The following AKAP12 variants were observed in gnomAD, a reference collection of about 807,000 sequenced individuals.
AKAP12 encodes the protein A-kinase anchoring protein 12.
In AKAP12, 32 loss-of-function variants were observed where a neutral mutation model predicts 79.9. The ratio of observed to expected loss-of-function variants is 0.40; its 90% CI spans 0.30 to 0.54. The LOEUF is 0.54. AKAP12 is among the 20% of genes least tolerant of loss of function. The pLI, the probability that AKAP12 is intolerant of heterozygous loss-of-function variation, is 0.48. For missense variants in AKAP12, 2,074 were observed against 2,177.0 expected, an observed-to-expected ratio of 0.95 and a Z score of 0.94; for synonymous variants, 808 against 857.0, an observed-to-expected ratio of 0.94 and a Z score of 1.00.
intron 2 of AKAP12, among the ~76,000 whole-genome samples, chr6:151,269,949 T>A (rs1202563661): frequency 1.3e-5 from 2 of 152,230 alleles, no homozygotes; most frequent in Non-Finnish European, 2.9e-5. Context: ...ATTTTGGACA[T>A]TTTGTATCAA....
intron 2 of AKAP12, among the ~76,000 whole-genome samples, chr6:151,296,681 A>C (rs1183625822): frequency 2.6e-5 from 4 of 152,042 alleles, no homozygotes; most frequent in Non-Finnish European, 1.5e-5. Flanking sequence ...GGAGGCTGAA[A>C]CGGGAGAATC....
chr6:151,342,967 TGGC>T (rs1777991584), intron 3 of AKAP12, among the ~76,000 whole-genome samples: 1 of 152,156 alleles, frequency 6.6e-6, no homozygotes, highest in Non-Finnish European at 1.5e-5. Flanking sequence ...TTCACCACTT[TGGC>T]CAGCGTGGTC....
intron 3 of AKAP12, among the ~76,000 whole-genome samples, chr6:151,347,416 C>T (rs1778129502): frequency 6.6e-6 from 1 of 152,316 alleles, no homozygotes; most frequent in Admixed American, 6.5e-5. Flanking sequence ...GAAGTTACAT[C>T]TAAAACTTGA....
At chr6:151,253,968 C>G (rs556656134) in intron 2 of AKAP12, among the ~76,000 whole-genome samples, 2 of 152,270 alleles carry the variant, frequency 1.3e-5, no homozygotes, top group African/African-American at 2.4e-5. Flanking sequence ...CTGGGCCTCC[C>G]AAAGTGCTGG....
At position 151,351,170 on chromosome 6, in the gene AKAP12, G is replaced by T; in HGVS notation, c.2779G>T (p.Ala927Ser). 1 of 1,614,202 alleles carries T rather than the reference G, an allele frequency of 6.2e-7. No individual in the cohort carries two copies. Among genetic ancestry groups the T allele is most frequent in the Non-Finnish European group, 8.5e-7 (1 of 1,180,048 alleles). The change falls in exon 4 of 5, where the codon GCT becomes TCT. Residue 927 changes from alanine (A) to serine (S), a missense_variant. By Grantham distance (99) the Ala-to-Ser change is moderately conservative. Coordinates refer to ENST00000402676, the MANE Select transcript of AKAP12 (RefSeq NM_005100.4). This position sits in a 1 kb window ranked among gnomAD's most constrained non-coding sequence, Gnocchi z 4.4. ...GACAGAACCTCTTGAACAAGTAGAA[G>T]CTGAAGCCGCACTGTTAACTGAGGA... ...SVTEPLEQVE[A>S]EAALLTEEVL...
At chr6:151,270,255 T>A (rs553632701) in intron 2 of AKAP12, among the ~76,000 whole-genome samples, 2 of 152,254 alleles carry the variant, frequency 1.3e-5, no homozygotes, top group East Asian at 3.9e-4. Flanking sequence ...ATGGAATTTC[T>A]CCATGTTGGT....
chr6:151,318,153 G>GTCCT (rs898534402), intron 3 of AKAP12, among the ~76,000 whole-genome samples: 1 of 152,158 alleles, frequency 6.6e-6, no homozygotes, highest in African/African-American at 2.4e-5. Flanking sequence ...TGGGATTAGT[G>GTCCT]TCCTTCCCTT....
intron 2 of AKAP12, among the ~76,000 whole-genome samples, chr6:151,243,678 T>TTA (rs1417541939): frequency 1.3e-5 from 2 of 152,140 alleles, no homozygotes; most frequent in African/African-American, 2.4e-5. Context: ...TTTACAGTCT[T>TTA]TATATGTAAG....
At chr6:151,242,564 T>C (rs920334722) in intron 2 of AKAP12, among the ~76,000 whole-genome samples, 1 of 152,252 alleles carries the variant, frequency 6.6e-6, no homozygotes, top group Non-Finnish European at 1.5e-5. Context: ...AATTTATCAC[T>C]CAGGCTTTGA....
chr6:151,352,972 T>C lies in AKAP12; in HGVS notation c.4581T>C (p.Ser1527=), dbSNP rs1778338329. The C allele has an allele frequency of 2.0e-6, 3 of 1,527,756 alleles. No homozygotes were observed. The highest frequency in any genetic ancestry group is 2.6e-6 in the Non-Finnish European group (3 of 1,141,108). The allele number at this position is 1,527,756 out of a possible 1,614,324, so 94.6% of individuals were successfully genotyped here. ...TTGCTTGCCAGGAGGTCAAAGTGAG[T>C]GTAGCAATTGAGGATTTAGAGCCTG... ...EQVACQEVKV[S]VAIEDLEPEN... The change falls in exon 4 of 5, where the codon AGT becomes AGC. Residue 1527 remains serine (S), a synonymous_variant. Transcript: ENST00000402676.
chr6:151,332,033 G>GTTTTTT (rs71014573), intron 3 of AKAP12, among the ~76,000 whole-genome samples: 4 of 79,686 alleles, frequency 5.0e-5, no homozygotes, highest in Non-Finnish European at 7.2e-5. Context: ...TTCTGGGTCT[G>GTTTTTT]TTTTTTTTTT....
Position 151,349,809 on chromosome 6 carries a change from G to T in AKAP12, c.1418G>T (p.Gly473Val), listed in dbSNP as rs1292936479. The T allele has an allele frequency of 6.2e-7, 1 of 1,614,142 alleles. No individual in the cohort carries two copies. Among genetic ancestry groups the T allele is most frequent in the Non-Finnish European group, 8.5e-7 (1 of 1,180,042 alleles). The change falls in exon 4 of 5, where the codon GGA becomes GTA. Residue 473 changes from glycine to valine, a missense_variant. Coordinates refer to ENST00000402676, the MANE Select transcript of AKAP12 (RefSeq NM_005100.4). ...LVKLKETCVSGEDPTQGADLS... is the reference protein window; with the variant it reads ...LVKLKETCVSVEDPTQGADLS... The stretch of plus-strand genomic sequence containing the variant: ...AAGCTCAAAGAAACGTGTGTTTCCG[G>T]AGAGGACCCTACACAGGGAGCTGAC...
chr6:151,293,979 CT>C (rs58851343), intron 2 of AKAP12, among the ~76,000 whole-genome samples: 21,310 of 145,626 alleles, frequency 0.15, 1,723 homozygotes, highest in East Asian at 0.32. Context: ...AGTTCTTCTT[CT>C]TTTTTTTTTT....
At chr6:151,322,750 T>TGGGTGTGTCCACCACCCACTCCC (rs1562738549) in intron 3 of AKAP12, among the ~76,000 whole-genome samples, 17 of 145,848 alleles carry the variant, frequency 1.2e-4, no homozygotes, top group African/African-American at 3.9e-4. Context: ...CACCCACTCC[T>TGGGTGTGTCCACCACCCACTCCC]GCCACTGGGT....
chr6:151,348,179 T>C (rs1487487571), intron 3 of AKAP12, among the ~76,000 whole-genome samples: 2 of 150,780 alleles, frequency 1.3e-5, no homozygotes, highest in Non-Finnish European at 3.0e-5. Context: ...AAAAACAAAT[T>C]AGCTGGGCAT....
At chr6:151,336,114 CT>C (rs1285781798) in intron 3 of AKAP12, among the ~76,000 whole-genome samples, 1 of 152,166 alleles carries the variant, frequency 6.6e-6, no homozygotes. Context: ...TTTTTCATGG[CT>C]GCATAGTATT....
chr6:151,325,823 G>C (rs1433171892), intron 3 of AKAP12: 3 of 1,613,842 alleles, frequency 1.9e-6, no homozygotes, highest in Non-Finnish European at 2.5e-6. Context: ...GCAGGGACCC[G>C]CTAAGCTGAT....
At chr6:151,337,215 T>A (rs975942710) in intron 3 of AKAP12, among the ~76,000 whole-genome samples, 15 of 151,908 alleles carry the variant, frequency 9.9e-5, no homozygotes, top group South Asian at 4.2e-4. Context: ...TTAAAAAAAA[T>A]AACTTCAGGC....
At chr6:151,343,641 G>A (rs1004214789) in intron 3 of AKAP12, among the ~76,000 whole-genome samples, 3 of 152,056 alleles carry the variant, frequency 2.0e-5, no homozygotes, top group Admixed American at 1.3e-4. Context: ...AAAATTAGCC[G>A]AGCGTGGTGG....
Sources: gnomAD v4.1 joint callset for allele counts (sites outside exome capture counted in the v4.1 genomes callset) on GRCh38, gnomAD v4.1.1 for gene constraint, Gnocchi (gnomAD v3.1) non-coding constraint, MANE v1.5 for transcripts, NCBI Gene and HGNC (gene_info 2026-07-23, HGNC 2026-07-21) for gene names.